RP9: variants seen among roughly 807,000 people sequenced by gnomAD.
RP9 encodes the protein RP9 pre-mRNA splicing factor.
RP9 carries 23 observed loss-of-function variants against 32.6 expected under a neutral mutation model. The ratio of observed to expected loss-of-function variants is 0.71; its 90% confidence interval spans 0.51 to 1.00. The LOEUF (loss-of-function observed/expected upper bound fraction) is 1.00, where lower values mean the gene tolerates loss of function less well. RP9 is among the 50% of genes least tolerant of loss of function. The pLI is 0.00. For missense variants in RP9, 245 were observed against 285.3 expected, an observed-to-expected ratio of 0.86 and a Z score of 1.02; for synonymous variants, 94 against 103.6, an observed-to-expected ratio of 0.91 and a Z score of 0.56.
intron 1 of RP9, chr7:33,100,873 G>A: frequency 1.9e-6 from 1 of 513,788 alleles, no homozygotes; most frequent in South Asian, 1.8e-5. Flanking sequence ...AGGAAATTCT[G>A]AAGGCGAGGT....
chr7:33,102,027 G>C (rs1176341825), intron 1 of RP9, among the ~76,000 whole-genome samples: 1 of 152,054 alleles, frequency 6.6e-6, no homozygotes, highest in African/African-American at 2.4e-5. Flanking sequence ...CAATCGAATT[G>C]AGATCCAAAT....
intron 1 of RP9, among the ~76,000 whole-genome samples, chr7:33,107,360 A>G (rs1012345945): frequency 1.3e-5 from 2 of 152,198 alleles, no homozygotes; most frequent in African/African-American, 4.8e-5. Context: ...GTAGGTTATA[A>G]TCTCTCTCAT....
At position 33,095,259 on chromosome 7, in the gene RP9, G is replaced by T. The variant is rs1186953982; in HGVS notation, c.641C>A (p.Ser214Ter). 4 of 1,612,836 alleles carry T rather than the reference G, an allele frequency of 2.5e-6. No homozygotes were observed. In the African/African-American group the frequency reaches 4.0e-5, roughly 16 times the overall value. ...TCACTCTGAGTCAGAACCCTCATTT[G>T]ACTTGGAAGATTTGTGCTTCCGTTT... ...KKKRKHKSSKSNEGSDSE is the reference protein window; with the variant it reads ...KKKRKHKSSK The change falls in exon 6 of 6, where the codon TCA becomes TAA. Residue 214 changes from serine to a stop codon, truncating the protein, a stop_gained. Transcript: ENST00000297157. LOFTEE classifies it high-confidence loss of function.
intron 1 of RP9, among the ~76,000 whole-genome samples, chr7:33,106,704 G>A (rs1180290456): frequency 2.0e-5 from 3 of 152,146 alleles, no homozygotes; most frequent in East Asian, 1.9e-4. Flanking sequence ...CCAGCACTTT[G>A]GGAGGCTGAG....
chr7:33,105,224 A>G (rs575309222), intron 1 of RP9, among the ~76,000 whole-genome samples: 3 of 152,302 alleles, frequency 2.0e-5, no homozygotes, highest in Non-Finnish European at 4.4e-5. Flanking sequence ...ATGTGTGGAA[A>G]AAGTACTATT....
At chr7:33,108,785 A>G (rs1180564780) in intron 1 of RP9, among the ~76,000 whole-genome samples, 2 of 152,190 alleles carry the variant, frequency 1.3e-5, no homozygotes, top group East Asian at 1.9e-4. Flanking sequence ...GCACGGGTAC[A>G]TAATTAAAAG....
intron 1 of RP9, among the ~76,000 whole-genome samples, chr7:33,107,527 CCA>C (rs1788515793): frequency 6.6e-6 from 1 of 152,124 alleles, no homozygotes; most frequent in African/African-American, 2.4e-5. Flanking sequence ...ACCAAGAGCG[CCA>C]CACAGTGACT....
intron 3 of RP9, among the ~76,000 whole-genome samples, chr7:33,097,760 C>G (rs1042959870): frequency 6.6e-6 from 1 of 152,060 alleles, no homozygotes; most frequent in Non-Finnish European, 1.5e-5. Context: ...GCTGGGATTA[C>G]AGGTGCGTAC....
intron 1 of RP9, among the ~76,000 whole-genome samples, chr7:33,105,903 T>C (rs1463369008): frequency 7.2e-5 from 11 of 152,230 alleles, no homozygotes; most frequent in Admixed American, 7.2e-4. Context: ...ACATTTGTTA[T>C]GCTTTTTTCT....
At chr7:33,099,952 A>G (rs999501524) in intron 2 of RP9, among the ~76,000 whole-genome samples, 1 of 152,220 alleles carries the variant, frequency 6.6e-6, no homozygotes, top group East Asian at 1.9e-4. Flanking sequence ...ATTTTTTTCA[A>G]GTTTCTATGA....
At chr7:33,105,695 C>G (rs894402254) in intron 1 of RP9, among the ~76,000 whole-genome samples, 1 of 152,136 alleles carries the variant, frequency 6.6e-6, no homozygotes, top group African/African-American at 2.4e-5. Context: ...TAATCGTACA[C>G]AGAGAGGCCT....
chr7:33,100,293 A>T, intron 2 of RP9: 1 of 583,206 alleles, frequency 1.7e-6, no homozygotes, highest in Non-Finnish European at 3.1e-6. Context: ...GGCATGGCCA[A>T]GGAATCCACG....
intron 4 of RP9, 52 bp downstream of exon 4, chr7:33,097,219 G>T: frequency 7.3e-7 from 1 of 1,368,200 alleles, no homozygotes; most frequent in Non-Finnish European, 1.0e-6. Flanking sequence ...CTGCTTCACT[G>T]ATTTTCACTA....
chr7:33,106,941 C>T (rs1788508154), intron 1 of RP9, among the ~76,000 whole-genome samples: 1 of 149,106 alleles, frequency 6.7e-6, no homozygotes, highest in Admixed American at 6.7e-5. Context: ...GAGACTCCAT[C>T]TCAAAAAAAA....
intron 1 of RP9, among the ~76,000 whole-genome samples, chr7:33,102,466 C>T (rs1043514883): frequency 3.9e-5 from 6 of 152,104 alleles, no homozygotes; most frequent in Non-Finnish European, 8.8e-5. Flanking sequence ...CATGATCCAC[C>T]GTGTCCAGCT....
intron 5 of RP9, 146 bp from the exon 6 acceptor site, chr7:33,095,578 ATT>A (rs1289208328): frequency 2.1e-6 from 3 of 1,402,342 alleles, no homozygotes; most frequent in Non-Finnish European, 2.9e-6. Flanking sequence ...CTGTTTTCTC[ATT>A]CTTCTCCACC....
In RP9 at chr7:33,095,366, G is replaced by A; in HGVS notation, c.534C>T (p.Ser178=). ...TCTTGTGTTTCTCTTTACCTTCAGA[G>A]GAACTGGAGCTGCTCCTATCTTCAT... The part of the protein sequence containing the change: ...TSDEDRSSSS[S]SEGKEKHKKK... Residue 178 remains serine, a synonymous_variant, in exon 6 of 6, where the codon TCC becomes TCT. Coordinates refer to ENST00000297157, the MANE Select transcript of RP9 (RefSeq NM_203288.2). 2.5e-6 allele frequency: 4 copies of A among 1,613,620 alleles called. No individual in the cohort carries two copies. Among genetic ancestry groups the A allele is most frequent in the Non-Finnish European group, 3.4e-6 (4 of 1,179,850 alleles).
chr7:33,095,281 G>T lies in RP9; in HGVS notation c.619C>A (p.Arg207=), dbSNP rs762116266. 1.2e-6 allele frequency: 2 copies of T among 1,612,640 alleles called. No homozygotes were observed. Among genetic ancestry groups the T allele is most frequent in the Non-Finnish European group, 8.5e-7 (1 of 1,179,428 alleles). The part of the protein sequence containing the change: ...RKKEKKKKKK[R]KHKSSKSNEG... ...TTTGACTTGGAAGATTTGTGCTTCC[G>T]TTTTTTCTTCTTTTTCTTTTCTTTC... Residue 207 remains arginine, a synonymous_variant, in exon 6 of 6, where the codon CGG becomes AGG. Coordinates refer to ENST00000297157, the MANE Select transcript of RP9 (RefSeq NM_203288.2).
At chr7:33,098,509 C>G (rs917093625) in intron 3 of RP9, among the ~76,000 whole-genome samples, 2 of 152,130 alleles carry the variant, frequency 1.3e-5, no homozygotes, top group South Asian at 4.1e-4. Flanking sequence ...AAGGGTCACA[C>G]GAATGAATGA....
Sources: gnomAD v4.1 joint callset for allele counts (sites outside exome capture counted in the v4.1 genomes callset) on GRCh38, gnomAD v4.1.1 for gene constraint, MANE v1.5 for transcripts, NCBI Gene and HGNC (gene_info 2026-07-23, HGNC 2026-07-21) for gene names.